Variants in DOCK1 observed in about 807,000 individuals in gnomAD.
The protein encoded by DOCK1 is dedicator of cytokinesis protein 1.
A neutral mutation model predicts 262.7 loss-of-function variants in DOCK1; 138 were observed. The ratio of observed to expected loss-of-function variants is 0.53; its 90% confidence interval spans 0.46 to 0.61. The LOEUF (loss-of-function observed/expected upper bound fraction) is 0.61. DOCK1 is among the 20% of genes least tolerant of loss of function. The probability of loss-of-function intolerance (pLI) is 0.00; values close to 1 mark genes in which losing one functional copy is unlikely to be tolerated. For missense variants in DOCK1, 1,908 were observed against 2,370.7 expected (o/e 0.80, Z 4.05); for synonymous variants, 866 against 867.4 (o/e 1.00, Z 0.03).
intron 32 of DOCK1, among the ~76,000 whole-genome samples, chr10:127,359,546 G>T (rs1479467545): frequency 6.6e-6 from 1 of 152,002 alleles, no homozygotes; most frequent in African/African-American, 2.4e-5. Flanking sequence ...TCACCTGAGA[G>T]ATGGAATATA....
At chr10:127,347,830 C>T (rs542314238) in intron 31 of DOCK1, among the ~76,000 whole-genome samples, 6 of 107,162 alleles carry the variant, frequency 5.6e-5, no homozygotes, top group Non-Finnish European at 1.2e-4. Context: ...CCCAACCCCT[C>T]AGCCTTCCCT....
intron 27 of DOCK1, among the ~76,000 whole-genome samples, chr10:127,128,725 C>CT (rs562511046): frequency 6.0e-4 from 92 of 152,212 alleles, no homozygotes; most frequent in African/African-American, 2.1e-3. Context: ...TGAACTCATT[C>CT]TTTTTTATGG....
intron 29 of DOCK1, among the ~76,000 whole-genome samples, chr10:127,321,672 ACACC>A (rs2062535182): frequency 6.6e-6 from 1 of 151,704 alleles, no homozygotes; most frequent in African/African-American, 2.4e-5. Flanking sequence ...CATGAGGTAG[ACACC>A]CAGTTACCTC....
intron 35 of DOCK1, among the ~76,000 whole-genome samples, chr10:127,379,097 T>C (rs2065687732): frequency 6.6e-6 from 1 of 152,208 alleles, no homozygotes; most frequent in Admixed American, 6.5e-5. Flanking sequence ...GCTAACATCA[T>C]TTTTAGGTGC....
At chr10:127,222,903 C>T (rs1159499281) in intron 27 of DOCK1, among the ~76,000 whole-genome samples, 2 of 152,088 alleles carry the variant, frequency 1.3e-5, no homozygotes, top group Non-Finnish European at 2.9e-5. Context: ...TCTCAAACAC[C>T]TGGGCTCAAG....
intron 23 of DOCK1, among the ~76,000 whole-genome samples, chr10:127,098,660 T>G (rs4313486): frequency 1.3e-4 from 19 of 151,952 alleles, no homozygotes; most frequent in Non-Finnish European, 2.5e-4. Flanking sequence ...GCCCTGACCT[T>G]GTCTACCATG....
At chr10:127,429,842 C>T (rs961486798) in intron 47 of DOCK1, among the ~76,000 whole-genome samples, 9 of 149,686 alleles carry the variant, frequency 6.0e-5, no homozygotes, top group Non-Finnish European at 1.0e-4. Context: ...CATTGGCCCC[C>T]GTGCCCTCAC....
chr10:127,394,576 ATT>A (rs540264495), intron 38 of DOCK1, among the ~76,000 whole-genome samples: 119 of 152,284 alleles, frequency 7.8e-4, no homozygotes, highest in African/African-American at 2.7e-3. Flanking sequence ...CATTTCTAGA[ATT>A]TTTGAAAATG....
intron 39 of DOCK1, 40 bp downstream of exon 39, chr10:127,403,184 A>G (rs1229844024): frequency 3.2e-6 from 5 of 1,548,222 alleles, no homozygotes; most frequent in East Asian, 2.4e-5. Context: ...AACACAGGCA[A>G]TCTCAGCTGG....
chr10:127,343,651 G>C lies in DOCK1; in HGVS notation c.3129G>C (p.Trp1043Cys). The stretch of plus-strand genomic sequence containing the variant: ...TCCTCCTTTTTGGTTTTCAGCTGTG[G>C]AACAACTACTTTCACCTGGCTGTTG... The part of the protein sequence containing the change: ...LDQANFELQL[W>C]NNYFHLAVAF... The change falls in exon 31 of 52, where the codon TGG (tryptophan) becomes TGC (cysteine). Residue 1043 changes from tryptophan (W) to cysteine (C), a missense_variant. Physicochemically the swap from Trp to Cys is radical, Grantham distance 215. Around this residue, in one of 9 missense-constraint regions of DOCK1, gnomAD observed 518 missense variants for 575.1 expected, o/e 0.90. Transcript: ENST00000623213. 1 of 1,608,092 alleles carries C rather than the reference G, an allele frequency of 6.2e-7. No individual in the cohort carries two copies. Among genetic ancestry groups the C allele is most frequent in the Non-Finnish European group, 8.5e-7 (1 of 1,177,358 alleles).
chr10:127,352,221 C>CGGGGAGGGGT (rs1344350988), intron 31 of DOCK1, among the ~76,000 whole-genome samples: 1 of 71,262 alleles, frequency 1.4e-5, no homozygotes, highest in African/African-American at 5.9e-5. Flanking sequence ...TGGGGAGCAT[C>CGGGGAGGGGT]GGGGAGGGGT....
At chr10:126,935,405 C>T (rs886691491) in intron 1 of DOCK1, among the ~76,000 whole-genome samples, 2 of 152,186 alleles carry the variant, frequency 1.3e-5, no homozygotes, top group East Asian at 1.9e-4. Context: ...GGAGTTCTGG[C>T]TTGCATCCAT....
In DOCK1 at chr10:127,358,019, A is replaced by G. The variant is rs865781479; in HGVS notation, c.3283+3292A>G. ...GTTTTTTTTTTTTTATTTTAATTTT[A>G]CTTTTTGTAAATGGGTGCAGGTTTG... On this transcript the variant is annotated intron_variant, in intron 32 of 51. Transcript: ENST00000623213. Among the ~76,000 whole-genome samples, 3 of 151,094 alleles carry G rather than the reference A, an allele frequency of 2.0e-5. No individual in the cohort carries two copies. In the Middle Eastern group the frequency reaches 0.01, roughly 514 times the overall value.
chr10:127,354,198 C>A (rs918585418), intron 31 of DOCK1, among the ~76,000 whole-genome samples: 1 of 152,034 alleles, frequency 6.6e-6, no homozygotes, highest in South Asian at 2.1e-4. Flanking sequence ...TGGTGTTAAG[C>A]CCTTCCTTAC....
intron 29 of DOCK1, among the ~76,000 whole-genome samples, chr10:127,295,326 G>A (rs1053107877): frequency 2.6e-5 from 4 of 152,042 alleles, no homozygotes; most frequent in Non-Finnish European, 5.9e-5. Flanking sequence ...AGCTTCCTTT[G>A]AACAACCAGC....
At chr10:127,079,455 G>A (rs1268790630) in intron 23 of DOCK1, among the ~76,000 whole-genome samples, 1 of 152,184 alleles carries the variant, frequency 6.6e-6, no homozygotes, top group African/African-American at 2.4e-5. Flanking sequence ...CCTTGCATAG[G>A]CTGAAAAGGG....
intron 38 of DOCK1, among the ~76,000 whole-genome samples, chr10:127,391,210 A>T (rs943212): frequency 1.3e-5 from 2 of 152,094 alleles, no homozygotes; most frequent in Non-Finnish European, 2.9e-5. Flanking sequence ...ACAAGCACCA[A>T]GATATGATGT....
intron 27 of DOCK1, among the ~76,000 whole-genome samples, chr10:127,170,659 T>A (rs1311365594): frequency 1.3e-5 from 2 of 152,170 alleles, no homozygotes; most frequent in Non-Finnish European, 2.9e-5. Flanking sequence ...GGTCTGAGGA[T>A]CTCCTGCCCA....
At position 126,905,502 on chromosome 10, in the gene DOCK1, C is replaced by A; in HGVS notation, c.-16C>A. 3 of 526,116 alleles carry A rather than the reference C, an allele frequency of 5.7e-6. No individual in the cohort carries two copies. Among genetic ancestry groups the A allele is most frequent in the South Asian group, 2.3e-5 (1 of 44,280 alleles). 32.6% of individuals were successfully genotyped at this position (526,116 alleles called of 1,614,324 possible). A position where few individuals can be genotyped will look rare whatever the true frequency, so the allele number is the denominator to read the frequency against. ...GCGGAGTTTCCTGCCCGACCCGCGGCGGCTCCGGCGGCGCCATGACGCGCT... is the reference window on the plus strand; with the variant it reads ...GCGGAGTTTCCTGCCCGACCCGCGGAGGCTCCGGCGGCGCCATGACGCGCT... On this transcript the variant is annotated 5_prime_UTR_variant, in exon 1 of 52. Coordinates refer to ENST00000623213, the MANE Select transcript of DOCK1 (RefSeq NM_001290223.2).
Sources: allele counts gnomAD v4.1 joint callset (sites outside exome capture counted in the v4.1 genomes callset), GRCh38; gene constraint gnomAD v4.1.1; regional missense constraint gnomAD v4.1.1; transcripts MANE v1.5; gene names NCBI Gene and HGNC (gene_info 2026-07-23, HGNC 2026-07-21).